Variants in PAX2 observed in about 807,000 individuals in gnomAD.
PAX2 encodes the protein paired box 2, also known as paired box protein Pax-2.
PAX2 carries 9 observed loss-of-function variants against 41.7 expected under a neutral mutation model. That is an observed-to-expected ratio of 0.22 (90% CI 0.13 to 0.38). The LOEUF (loss-of-function observed/expected upper bound fraction) is 0.38. PAX2 is among the 10% of genes least tolerant of loss of function. The probability of loss-of-function intolerance (pLI) is 1.00; values close to 1 mark genes in which losing one functional copy is unlikely to be tolerated. For missense variants in PAX2, 418 were observed against 531.6 expected, an observed-to-expected ratio of 0.79 and a Z score of 2.10; for synonymous variants, 221 against 212.7, an observed-to-expected ratio of 1.04 and a Z score of -0.34.
At chr10:100,812,603 A>G (rs149961613) in intron 7 of PAX2, among the ~76,000 whole-genome samples, 1 of 152,202 alleles carries the variant, frequency 6.6e-6, no homozygotes, top group Non-Finnish European at 1.5e-5. Context: ...AACTGCATGC[A>G]GGAGGCTTCA....
rs1848652584 is a variant in PAX2 at position 100,828,069 on chromosome 10, T to C, written c.*450T>C. The C allele has an allele frequency of 8.5e-6, 2 of 234,326 alleles. No homozygotes were observed. 14.5% of individuals were successfully genotyped at this position (234,326 alleles called of 1,614,324 possible). A position where few individuals can be genotyped will look rare whatever the true frequency, so the allele number is the denominator to read the frequency against. On this transcript the variant is annotated 3_prime_UTR_variant, in exon 10 of 10. Transcript: ENST00000355243. The surrounding 1 kb of genome is among the most constrained non-coding windows in gnomAD (Gnocchi z 6.5). The stretch of plus-strand genomic sequence containing the variant: ...AGCCCCGGGCACCCGCCTCGGACGC[T>C]CGGGCGCCAGGAGGCTTCGCTGGAG...
At chr10:100,785,968 G>C (rs1725376629) in intron 5 of PAX2, among the ~76,000 whole-genome samples, 1 of 152,228 alleles carries the variant, frequency 6.6e-6, no homozygotes. Context: ...CTTCCTGGGG[G>C]CTGTGGAGAG....
intron 3 of PAX2, among the ~76,000 whole-genome samples, chr10:100,762,104 C>A (rs1845861558): frequency 6.6e-6 from 1 of 152,092 alleles, no homozygotes; most frequent in Non-Finnish European, 1.5e-5. Context: ...CGGCTCACAC[C>A]TGTAATCCTA....
At chr10:100,782,749 T>C (rs1211254024) in intron 5 of PAX2, among the ~76,000 whole-genome samples, 1 of 152,248 alleles carries the variant, frequency 6.6e-6, no homozygotes, top group Non-Finnish European at 1.5e-5. Context: ...CTAAATTTCA[T>C]TGTGGTTGTT....
chr10:100,814,123 C>T (rs578200657), intron 7 of PAX2, among the ~76,000 whole-genome samples: 3 of 151,448 alleles, frequency 2.0e-5, no homozygotes, highest in East Asian at 1.9e-4. Context: ...CCGAGGCAGG[C>T]GGATCACGAG....
At chr10:100,740,762 G>C (rs1287596012), upstream of PAX2, among the ~76,000 whole-genome samples, 1 of 95,152 alleles carries the variant, frequency 1.1e-5, no homozygotes, top group African/African-American at 3.8e-5. Flanking sequence ...AGGCTGTGGG[G>C]TGAGTGGCCC....
At chr10:100,781,719 G>A (rs1047798674) in intron 5 of PAX2, among the ~76,000 whole-genome samples, 3 of 152,210 alleles carry the variant, frequency 2.0e-5, no homozygotes, top group Non-Finnish European at 4.4e-5. Context: ...AACCTACCTT[G>A]TCCTTACCTG....
intron 1 of PAX2, among the ~76,000 whole-genome samples, chr10:100,737,220 C>T (rs1292620949): frequency 6.6e-6 from 1 of 152,224 alleles, no homozygotes; most frequent in East Asian, 1.9e-4. Flanking sequence ...GCAAGTCTCC[C>T]AGCAAGGCAT....
rs61531135 is a variant in PAX2, at chr10:100,759,381, A to G, written c.410+8490A>G. ...GAGGAAACCTCATGAGTGTGCCGCA[A>G]TGGTCTGGCTGTGGCCCCTCTCGGC... On this transcript the variant is annotated intron_variant, in intron 3 of 9. Transcript: ENST00000355243. 7.9e-3 allele frequency among the ~76,000 whole-genome samples: 1,197 copies of G among 152,294 alleles called. 11 individuals carry two copies. Among genetic ancestry groups the G allele is most frequent in the African/African-American group, 0.027 (1,141 of 41,566 alleles).
rs577244529 is a variant in PAX2 at position 100,782,333 on chromosome 10, G to T, written c.616+968G>T. Among the ~76,000 whole-genome samples, 215 of 152,362 alleles carry T rather than the reference G, an allele frequency of 1.4e-3. 1 individual carries two copies. Among genetic ancestry groups the T allele is most frequent in the African/African-American group, 4.9e-3 (203 of 41,584 alleles). On this transcript the variant is annotated intron_variant, in intron 5 of 9. Coordinates refer to ENST00000355243, the MANE Select transcript of PAX2 (RefSeq NM_000278.5). Reference sequence around the variant, plus strand: ...AGAACAGTCCCAATTTATGCCTGTTGTCTCTGCATCTTGGCCAGTCAGCAT... The same window carrying T: ...AGAACAGTCCCAATTTATGCCTGTTTTCTCTGCATCTTGGCCAGTCAGCAT...
chr10:100,786,603 T>C (rs924197249), intron 5 of PAX2, among the ~76,000 whole-genome samples: 8 of 152,178 alleles, frequency 5.3e-5, no homozygotes, highest in African/African-American at 1.4e-4. Flanking sequence ...CTGGGTAGTG[T>C]GCGTGCTTGG....
intron 5 of PAX2, among the ~76,000 whole-genome samples, chr10:100,788,365 C>T (rs995755466): frequency 6.6e-6 from 1 of 152,210 alleles, no homozygotes; most frequent in Non-Finnish European, 1.5e-5. Context: ...CTTCCCGGCT[C>T]TCCTTCTGGA....
intron 7 of PAX2, among the ~76,000 whole-genome samples, chr10:100,812,061 G>A (rs1848007367): frequency 6.6e-6 from 1 of 152,224 alleles, no homozygotes; most frequent in South Asian, 2.1e-4. Flanking sequence ...GTGTGGAGGG[G>A]AGAGTGGGGC....
intron 5 of PAX2, among the ~76,000 whole-genome samples, chr10:100,804,326 G>A (rs4919496): frequency 0.033 from 5,043 of 150,720 alleles, 105 homozygotes; most frequent in South Asian, 0.062. Context: ...CACACAGACA[G>A]GCATATACAC....
In PAX2 at chr10:100,829,383, G is replaced by T. The variant is rs928803825; in HGVS notation, c.*1764G>T. On this transcript the variant is annotated 3_prime_UTR_variant, in exon 10 of 10. Transcript: ENST00000355243. ...TCCGCAGGCTAGATCCGAGGTGGCA[G>T]CTCCAGCCCCCGGGCTCGCCCCCTC... is the stretch of plus-strand genomic sequence containing the variant. 9.5e-6 allele frequency: 2 copies of T among 211,004 alleles called. No individual in the cohort carries two copies. The highest frequency in any genetic ancestry group is 2.3e-5 in the African/African-American group (1 of 43,928). 13.1% of individuals were successfully genotyped at this position (211,004 alleles called of 1,614,324 possible).
Position 100,748,916 on chromosome 10 carries a change from C to A in PAX2, c.44-830C>A, listed in dbSNP as rs568230059. The A allele has an allele frequency of 9.3e-4, 914 of 985,392 alleles. No homozygotes were observed. Among genetic ancestry groups the A allele is most frequent in the Non-Finnish European group, 1.1e-3 (891 of 829,940 alleles). 61.0% of individuals were successfully genotyped at this position (985,392 alleles called of 1,614,324 possible). On this transcript the variant is annotated intron_variant, in intron 1 of 9. Transcript: ENST00000355243. The surrounding 1 kb of genome is among the most constrained non-coding windows in gnomAD (Gnocchi z 5.0). ...GCCACCTGGGCGAGACGGTGGGCCC[C>A]AACCAGGCTCTGCGAGGCGCGGCAG... is the stretch of plus-strand genomic sequence containing the variant.
Position 100,781,257 on chromosome 10 carries a change from G to A in PAX2, c.508G>A (p.Ala170Thr), listed in dbSNP as rs200030384. The A allele has an allele frequency of 6.2e-7, 1 of 1,613,976 alleles. No individual in the cohort carries two copies. Among genetic ancestry groups the A allele is most frequent in the Non-Finnish European group, 8.5e-7 (1 of 1,179,896 alleles). Residue 170 changes from alanine (A) to threonine (T), a missense_variant, in exon 5 of 10, where the codon GCC (alanine) becomes ACC (threonine). Transcript: ENST00000355243. ...TTCCTCTCATCCAGTTCCCAGCACG[G>A]CCTCCCCTCCTGTTTCCAGCGCCTC... is the stretch of plus-strand genomic sequence containing the variant. ...APGHTIVPSTASPPVSSASND... is the reference protein window; with the variant it reads ...APGHTIVPSTTSPPVSSASND...
At chr10:100,805,065 C>T (rs1264697949) in intron 5 of PAX2, among the ~76,000 whole-genome samples, 1 of 141,280 alleles carries the variant, frequency 7.1e-6, no homozygotes, top group East Asian at 2.0e-4. Flanking sequence ...CACACACACA[C>T]ACACACACAC....
intron 7 of PAX2, among the ~76,000 whole-genome samples, chr10:100,815,885 G>C (rs1848170186): frequency 6.6e-6 from 1 of 152,240 alleles, no homozygotes; most frequent in Non-Finnish European, 1.5e-5. Context: ...CATGGCAGAA[G>C]TACCCTGGCT....
Sources: allele counts gnomAD v4.1 joint callset (sites outside exome capture counted in the v4.1 genomes callset), GRCh38; gene constraint gnomAD v4.1.1; non-coding constraint Gnocchi (gnomAD v3.1); transcripts MANE v1.5; gene names NCBI Gene and HGNC (gene_info 2026-07-23, HGNC 2026-07-21).